Variants in NKAIN3 observed in about 807,000 individuals in gnomAD.
NKAIN3 encodes sodium/potassium transporting ATPase interacting 3, also known as sodium/potassium-transporting ATPase subunit beta-1-interacting protein 3.
NKAIN3 carries 25 observed loss-of-function variants against 30.2 expected under a neutral mutation model. The ratio of observed to expected loss-of-function variants is 0.83; its 90% CI spans 0.60 to 1.16. NKAIN3 has a LOEUF of 1.16. NKAIN3 is among the 50% of genes most tolerant of loss of function. The pLI is 0.00. For missense variants in NKAIN3, 225 were observed against 254.1 expected (o/e 0.89, Z 0.78); for synonymous variants, 91 against 89.6 (o/e 1.02, Z -0.09).
intron 4 of NKAIN3, among the ~76,000 whole-genome samples, chr8:62,767,677 A>G (rs1213937788): frequency 6.6e-6 from 1 of 152,006 alleles, no homozygotes; most frequent in Non-Finnish European, 1.5e-5. Context: ...TTCTTAATTG[A>G]AATAGACATT....
At chr8:62,819,400 T>C (rs1665844739) in intron 4 of NKAIN3, among the ~76,000 whole-genome samples, 1 of 151,972 alleles carries the variant, frequency 6.6e-6, no homozygotes, top group Non-Finnish European at 1.5e-5. Context: ...GTTCTCCCTG[T>C]GCTAATTCTA....
intron 3 of NKAIN3, among the ~76,000 whole-genome samples, chr8:62,697,063 C>T (rs750525945): frequency 6.6e-6 from 1 of 152,106 alleles, no homozygotes; most frequent in Non-Finnish European, 1.5e-5. Context: ...TCATGCTTGC[C>T]TCTCTACAGT....
intron 5 of NKAIN3, among the ~76,000 whole-genome samples, chr8:62,949,723 C>CTT (rs11345295): frequency 6.7e-6 from 1 of 149,084 alleles, no homozygotes; most frequent in African/African-American, 2.5e-5. Flanking sequence ...AATTGTGTTG[C>CTT]TTTTTTTTTT....
intron 3 of NKAIN3, among the ~76,000 whole-genome samples, chr8:62,635,262 G>C (rs551795205): frequency 6.6e-6 from 1 of 152,286 alleles, no homozygotes; most frequent in Admixed American, 6.5e-5. Context: ...GTGTCTAGTT[G>C]TGAGCTCTCT....
intron 4 of NKAIN3, among the ~76,000 whole-genome samples, chr8:62,818,651 T>G (rs1586232944): frequency 6.6e-6 from 1 of 152,132 alleles, no homozygotes; most frequent in African/African-American, 2.4e-5. Flanking sequence ...TAAGATAGAA[T>G]TTCTTTATCC....
intron 3 of NKAIN3, among the ~76,000 whole-genome samples, chr8:62,690,412 T>C (rs1813929403): frequency 6.6e-6 from 1 of 152,224 alleles, no homozygotes; most frequent in Non-Finnish European, 1.5e-5. Context: ...ACCCTCCCTC[T>C]GTGAATACAT....
intron 4 of NKAIN3, among the ~76,000 whole-genome samples, chr8:62,844,044 G>T (rs1436019517): frequency 6.6e-6 from 1 of 152,102 alleles, no homozygotes; most frequent in Non-Finnish European, 1.5e-5. Flanking sequence ...TGAGGCACTC[G>T]CAACTTCATT....
At chr8:62,993,974 C>T (rs2130935620) in intron 5 of NKAIN3, among the ~76,000 whole-genome samples, 1 of 152,266 alleles carries the variant, frequency 6.6e-6, no homozygotes, top group Middle Eastern at 3.4e-3. Flanking sequence ...AATGCCCTTA[C>T]ATTATTCCAG....
At chr8:62,405,759 A>C (rs181390544) in intron 1 of NKAIN3, among the ~76,000 whole-genome samples, 3 of 152,116 alleles carry the variant, frequency 2.0e-5, no homozygotes, top group Non-Finnish European at 4.4e-5. Context: ...GTGCTTTTTT[A>C]TGTGAATAGT....
At chr8:62,363,255 A>G (rs1044760087) in intron 1 of NKAIN3, among the ~76,000 whole-genome samples, 6 of 152,192 alleles carry the variant, frequency 3.9e-5, no homozygotes, top group Non-Finnish European at 8.8e-5. Context: ...TACCTAAGAC[A>G]TCTTCCAGGA....
chr8:62,737,242 A>C (rs1334182969), intron 3 of NKAIN3, among the ~76,000 whole-genome samples: 1 of 152,006 alleles, frequency 6.6e-6, no homozygotes, highest in African/African-American at 2.4e-5. Flanking sequence ...TTTCCTGCCA[A>C]CCTCTCAAAA....
chr8:62,633,446 T>C (rs186487700), intron 3 of NKAIN3, among the ~76,000 whole-genome samples: 88 of 152,314 alleles, frequency 5.8e-4, no homozygotes, highest in South Asian at 2.5e-3. Context: ...GTTTCTGCAT[T>C]GGGCAGTAAA....
chr8:62,968,095 C>G lies in NKAIN3; in HGVS notation c.*2688C>G, dbSNP rs1823752690. Among the ~76,000 whole-genome samples, 1 of 152,162 alleles carries G rather than the reference C, an allele frequency of 6.6e-6. No homozygotes were observed. Among genetic ancestry groups the G allele is most frequent in the South Asian group, 2.1e-4 (1 of 4,838 alleles). On this transcript the variant is annotated 3_prime_UTR_variant, in exon 7 of 7. Coordinates refer to ENST00000623646, the MANE Select transcript of NKAIN3 (RefSeq NM_001304533.3). ...ACCTCAGCAATCCATAAAGATTGTC[C>G]TAACATTCTGGATATTTGCCACTCA...
chr8:62,665,621 G>A (rs1813074510), intron 3 of NKAIN3, among the ~76,000 whole-genome samples: 1 of 152,168 alleles, frequency 6.6e-6, no homozygotes, highest in Non-Finnish European at 1.5e-5. Context: ...AATGTATTCA[G>A]TTTTAGTTTA....
intron 4 of NKAIN3, among the ~76,000 whole-genome samples, chr8:62,914,651 C>T (rs16929820): frequency 0.1 from 15,459 of 152,034 alleles, 883 homozygotes; most frequent in East Asian, 0.17. Context: ...GAATGGATTG[C>T]TATGAACTGT....
rs1020616708 is a variant in NKAIN3 at position 62,973,704 on chromosome 8, A to C, written c.*8297A>C. Among the ~76,000 whole-genome samples, 6 of 135,136 alleles carry C rather than the reference A, an allele frequency of 4.4e-5. No homozygotes were observed. Among genetic ancestry groups the C allele is most frequent in the Admixed American group, 6.9e-5 (1 of 14,550 alleles). The allele number at this position is 135,136 out of a possible 152,430, so 88.7% of individuals were successfully genotyped here. ...TTTGTCAATTTTGGCTTTTGTTGAC[A>C]TTGCTTTTGGTGTTTCAGTCATGAA... On this transcript the variant is annotated 3_prime_UTR_variant, in exon 7 of 7. Transcript: ENST00000623646.
intron 4 of NKAIN3, among the ~76,000 whole-genome samples, chr8:62,807,069 G>T (rs1330272490): frequency 6.6e-6 from 1 of 152,020 alleles, no homozygotes; most frequent in Non-Finnish European, 1.5e-5. Context: ...TATTTAGTTT[G>T]TTAAATCTTT....
chr8:62,514,194 A>G (rs892122211), intron 1 of NKAIN3, among the ~76,000 whole-genome samples: 2 of 152,138 alleles, frequency 1.3e-5, no homozygotes, highest in Non-Finnish European at 2.9e-5. Flanking sequence ...TCAAAGCTGC[A>G]TTCTATGACA....
intron 1 of NKAIN3, among the ~76,000 whole-genome samples, chr8:62,265,273 A>C (rs562612465): frequency 2.6e-5 from 4 of 152,202 alleles, no homozygotes; most frequent in Admixed American, 1.3e-4. Flanking sequence ...ACTATTCTAT[A>C]ATTAATCTCT....
Sources: allele counts gnomAD v4.1 joint callset (sites outside exome capture counted in the v4.1 genomes callset), GRCh38; gene constraint gnomAD v4.1.1; transcripts MANE v1.5; gene names NCBI Gene and HGNC (gene_info 2026-07-23, HGNC 2026-07-21).